Variants in GPR183 observed in about 807,000 individuals in gnomAD.
GPR183 encodes the protein EBV-induced G-protein coupled receptor 2.
In GPR183, 9 loss-of-function variants were observed where a neutral mutation model predicts 19.7. That is an observed-to-expected ratio of 0.46 (90% CI 0.28 to 0.80). The LOEUF is 0.80. Among genes scored for constraint, GPR183 ranks in the 30% least tolerant of loss-of-function variants. GPR183 has a pLI of 0.13. For synonymous variants in GPR183, 160 were observed against 155.1 expected, an observed-to-expected ratio of 1.03 and a Z score of -0.24; for missense variants, 368 against 446.7, an observed-to-expected ratio of 0.82 and a Z score of 1.59.
intron 1 of GPR183, among the ~76,000 whole-genome samples, chr13:99,301,389 C>G (rs1347627834): frequency 2.6e-5 from 4 of 152,338 alleles, no homozygotes; most frequent in South Asian, 2.1e-4. Flanking sequence ...CCCAGTTTTG[C>G]CTCTGTAATG....
In GPR183 at chr13:99,296,100, G is replaced by T. The variant is rs375590153; in HGVS notation, c.46C>A (p.Pro16Thr). ...TAGAGGTCACAGTCATTTCCCTGAGGAGTTGCAGAGGGCGGAGTAAAATTG... is the reference window on the plus strand; with the variant it reads ...TAGAGGTCACAGTCATTTCCCTGAGTAGTTGCAGAGGGCGGAGTAAAATTG... ...ANNFTPPSAT[P>T]QGNDCDLYAH... The change falls in exon 2 of 2, where the codon CCT (proline) becomes ACT (threonine). Residue 16 changes from proline to threonine, a missense_variant. Pro to Thr is a conservative substitution (Grantham distance 38, BLOSUM62 -1). Coordinates refer to ENST00000376414, the MANE Select transcript of GPR183 (RefSeq NM_004951.5). 42 of 1,611,750 alleles carry T rather than the reference G, an allele frequency of 2.6e-5. No individual in the cohort carries two copies. The highest frequency in any genetic ancestry group is 3.5e-5 in the Non-Finnish European group (41 of 1,178,592).
At chr13:99,305,877 A>ATG (rs2044325673) in intron 1 of GPR183, among the ~76,000 whole-genome samples, 2 of 151,364 alleles carry the variant, frequency 1.3e-5, no homozygotes. Flanking sequence ...TCATCCATAG[A>ATG]CTCAGGGCCA....
chr13:99,299,417 C>A (rs1052899384), intron 1 of GPR183, among the ~76,000 whole-genome samples: 28 of 152,176 alleles, frequency 1.8e-4, no homozygotes, highest in African/African-American at 6.7e-4. Context: ...GATTATACAA[C>A]ATGCCACTTT....
At position 99,295,335 on chromosome 13, in the gene GPR183, T is replaced by C; in HGVS notation, c.811A>G (p.Lys271Glu). 1 of 1,614,060 alleles carries C rather than the reference T, an allele frequency of 6.2e-7. No homozygotes were observed. Among genetic ancestry groups the C allele is most frequent in the Non-Finnish European group, 8.5e-7 (1 of 1,179,970 alleles). Residue 271 changes from lysine to glutamate, a missense_variant, in exon 2 of 2, where the codon AAG (lysine) becomes GAG (glutamate). By Grantham distance (56) the Lys-to-Glu change is moderately conservative. Coordinates refer to ENST00000376414, the MANE Select transcript of GPR183 (RefSeq NM_004951.5). This position sits in a 1 kb window ranked among gnomAD's most constrained non-coding sequence, Gnocchi z 4.1. ...TCCAGGAAATTAGAGAAACGAAGCT[T>C]CTTAATCATATGTTGAATAATTGCA... ...HVAIIQHMIK[K>E]LRFSNFLECS...
intron 1 of GPR183, among the ~76,000 whole-genome samples, chr13:99,305,886 C>CATTTACTT (rs1555328222): frequency 4.6e-5 from 7 of 151,510 alleles, no homozygotes; most frequent in Admixed American, 3.9e-4. Context: ...GACTCAGGGC[C>CATTTACTT]ATTTATTTAT....
At chr13:99,304,533 G>C (rs1035149440) in intron 1 of GPR183, among the ~76,000 whole-genome samples, 1 of 152,140 alleles carries the variant, frequency 6.6e-6, no homozygotes, top group Non-Finnish European at 1.5e-5. Flanking sequence ...ATACCCATTA[G>C]TTAAAGAATA....
At chr13:99,302,441 C>A (rs1012416231) in intron 1 of GPR183, among the ~76,000 whole-genome samples, 5 of 152,168 alleles carry the variant, frequency 3.3e-5, no homozygotes, top group African/African-American at 1.2e-4. Context: ...TGAGAACAAA[C>A]CTGCTCCAGG....
intron 1 of GPR183, among the ~76,000 whole-genome samples, chr13:99,300,765 C>T (rs2044246633): frequency 6.6e-6 from 1 of 152,078 alleles, no homozygotes; most frequent in African/African-American, 2.4e-5. Flanking sequence ...GTGAGGTGTT[C>T]CTCAGGATTT....
chr13:99,307,145 A>G (rs1414840383), intron 1 of GPR183, among the ~76,000 whole-genome samples, 195 bp downstream of exon 1: 1 of 152,188 alleles, frequency 6.6e-6, no homozygotes, highest in Non-Finnish European at 1.5e-5. Flanking sequence ...GCTTTCAGTC[A>G]ACTTTATAAG....
rs574854449 is a variant in GPR183, at chr13:99,295,672, T to C, written c.474A>G (p.Leu158=). The C allele has an allele frequency of 6.2e-7, 1 of 1,614,172 alleles. No individual in the cohort carries two copies. ...GGAGTGGGAGTGTCTGAGCAAATAC[T>C]AGAATCCAGACAAATATGCACACGC... ...AKGVCIFVWI[L]VFAQTLPLLI... The change falls in exon 2 of 2, where the codon CTA becomes CTG. Residue 158 remains leucine (L), a synonymous_variant. Coordinates refer to ENST00000376414, the MANE Select transcript of GPR183 (RefSeq NM_004951.5). This position sits in a 1 kb window ranked among gnomAD's most constrained non-coding sequence, Gnocchi z 4.1.
Position 99,295,698 on chromosome 13 carries a change from C to G in GPR183, c.448G>C (p.Gly150Arg). ...AGAATCCAGACAAATATGCACACGC[C>G]TTTTGCATGTTCAATCCTTTTTATC... is the stretch of plus-strand genomic sequence containing the variant. Reference protein sequence around the residue: ...NKIKRIEHAKGVCIFVWILVF... With the variant: ...NKIKRIEHAKRVCIFVWILVF... The change falls in exon 2 of 2, where the codon GGC becomes CGC. Residue 150 changes from glycine (G) to arginine (R), a missense_variant. Gly to Arg is a moderately radical substitution (Grantham distance 125, BLOSUM62 -2). Transcript: ENST00000376414. The surrounding 1 kb of genome is among the most constrained non-coding windows in gnomAD (Gnocchi z 4.1). The G allele has an allele frequency of 6.2e-7, 1 of 1,614,122 alleles. No individual in the cohort carries two copies.
At chr13:99,301,053 A>G (rs1374447700) in intron 1 of GPR183, among the ~76,000 whole-genome samples, 1 of 152,264 alleles carries the variant, frequency 6.6e-6, no homozygotes, top group Non-Finnish European at 1.5e-5. Context: ...GAAAAGCCCA[A>G]AGAAATGTTA....
chr13:99,307,340 A>G lies in GPR183; in HGVS notation c.-19T>C, dbSNP rs1360706785. ...AAAAAGCAAAAGATCTTGTACTTAC[A>G]TATCAGTGACTCGTTCGGGTCTCTG... is the stretch of plus-strand genomic sequence containing the variant. On this transcript the variant is annotated splice_region_variant and 5_prime_UTR_variant, in exon 1 of 2. Transcript: ENST00000376414. 1 of 152,204 alleles carries G rather than the reference A, an allele frequency of 6.6e-6. No individual in the cohort carries two copies. Among genetic ancestry groups the G allele is most frequent in the Non-Finnish European group, 1.5e-5 (1 of 68,034 alleles). The allele number at this position is 152,204 out of a possible 1,614,324, so 9.4% of individuals were successfully genotyped here.
chr13:99,296,637 A>G (rs2044178529), intron 1 of GPR183, among the ~76,000 whole-genome samples: 1 of 152,202 alleles, frequency 6.6e-6, no homozygotes, highest in Non-Finnish European at 1.5e-5. Context: ...AAATGAAATC[A>G]GTCACCACAT....
At position 99,296,103 on chromosome 13, in the gene GPR183, T is replaced by A. The variant is rs777510204; in HGVS notation, c.43A>T (p.Thr15Ser). 12 of 1,611,390 alleles carry A rather than the reference T, an allele frequency of 7.4e-6. No individual in the cohort carries two copies. The highest frequency in any genetic ancestry group is 1.3e-5 in the African/African-American group (1 of 74,804). Residue 15 changes from threonine (T) to serine (S), a missense_variant, in exon 2 of 2, where the codon ACT becomes TCT. Transcript: ENST00000376414. ...MANNFTPPSA[T>S]PQGNDCDLYA... ...AGGTCACAGTCATTTCCCTGAGGAG[T>A]TGCAGAGGGCGGAGTAAAATTGTTT...
chr13:99,303,993 G>T (rs1410819694), intron 1 of GPR183, among the ~76,000 whole-genome samples: 1 of 152,118 alleles, frequency 6.6e-6, no homozygotes. Context: ...TCTGCCTGTT[G>T]TGTGCCATTC....
At chr13:99,306,171 C>T (rs1010468590) in intron 1 of GPR183, among the ~76,000 whole-genome samples, 1 of 152,174 alleles carries the variant, frequency 6.6e-6, no homozygotes, top group Non-Finnish European at 1.5e-5. Flanking sequence ...GCTGGGATTA[C>T]AGGAGTGAGC....
intron 1 of GPR183, among the ~76,000 whole-genome samples, chr13:99,298,464 C>A (rs770642053): frequency 2.6e-5 from 4 of 152,016 alleles, no homozygotes; most frequent in African/African-American, 4.8e-5. Context: ...GAAAGTACTA[C>A]CTGTGAAAAC....
intron 1 of GPR183, among the ~76,000 whole-genome samples, chr13:99,297,828 C>G (rs1231430543): frequency 6.6e-6 from 1 of 151,594 alleles, no homozygotes; most frequent in Non-Finnish European, 1.5e-5. Flanking sequence ...AAAATTCCAG[C>G]TGTTTGCTGC....
Sources: allele counts gnomAD v4.1 joint callset (sites outside exome capture counted in the v4.1 genomes callset), GRCh38; gene constraint gnomAD v4.1.1; non-coding constraint Gnocchi (gnomAD v3.1); transcripts MANE v1.5; gene names NCBI Gene and HGNC (gene_info 2026-07-23, HGNC 2026-07-21).